STYX: variants seen among roughly 807,000 people sequenced by gnomAD.
The protein encoded by STYX is serine/threonine/tyrosine interacting protein.
Under a neutral mutation model 42.7 loss-of-function variants are expected in STYX, and 20 were observed. That is an observed-to-expected ratio of 0.47 (90% CI 0.33 to 0.68). STYX has a LOEUF of 0.68. STYX is among the 30% of genes least tolerant of loss of function. The pLI is 0.02. For synonymous variants in STYX, 78 were observed against 81.9 expected (o/e 0.95, Z 0.26); for missense variants, 226 against 268.5 (o/e 0.84, Z 1.11).
intron 1 of STYX, among the ~76,000 whole-genome samples, chr14:52,732,657 A>C (rs917998235): frequency 6.6e-6 from 1 of 151,832 alleles, no homozygotes; most frequent in African/African-American, 2.4e-5. Flanking sequence ...GTGAATGAAG[A>C]GTATGCTTTT....
At chr14:52,734,934 G>T (rs968222614) in intron 1 of STYX, among the ~76,000 whole-genome samples, 30 of 152,158 alleles carry the variant, frequency 2.0e-4, no homozygotes, top group Admixed American at 5.2e-4. Context: ...GCGGGCGCCT[G>T]TAGTCCCAGC....
At chr14:52,762,227 C>T (rs144237923) in intron 9 of STYX, among the ~76,000 whole-genome samples, 468 of 152,182 alleles carry the variant, frequency 3.1e-3, no homozygotes, top group African/African-American at 0.01. Flanking sequence ...GTGTTCCTCT[C>T]ACCGGTTTGT....
At chr14:52,739,123 C>A (rs7158756) in intron 1 of STYX, among the ~76,000 whole-genome samples, 1 of 151,186 alleles carries the variant, frequency 6.6e-6, no homozygotes, top group Non-Finnish European at 1.5e-5. Flanking sequence ...TTTAAAAATA[C>A]CACTTTTTTT....
chr14:52,730,734 C>T (rs758792619), intron 1 of STYX, among the ~76,000 whole-genome samples: 1 of 152,238 alleles, frequency 6.6e-6, no homozygotes, highest in East Asian at 1.9e-4. Context: ...GGGGCAGCGT[C>T]TGGTGTACTT....
chr14:52,772,531 G>C lies in STYX; in HGVS notation c.*1425G>C, dbSNP rs1223732863. ...TTTTATAGTTGATGACTTTAGGGTA[G>C]CACAAACAAAACTCCTTTGTATCTA... On this transcript the variant is annotated 3_prime_UTR_variant, in exon 11 of 11. Transcript: ENST00000354586. 6.6e-6 allele frequency: 1 copy of C among 152,556 alleles called. No individual in the cohort carries two copies. The highest frequency in any genetic ancestry group is 2.4e-5 in the African/African-American group (1 of 41,438). 9.5% of individuals were successfully genotyped at this position (152,556 alleles called of 1,614,324 possible). A position where few individuals can be genotyped will look rare whatever the true frequency, so the allele number is the denominator to read the frequency against.
chr14:52,751,389 T>C (rs899481011), intron 4 of STYX, among the ~76,000 whole-genome samples: 6 of 152,224 alleles, frequency 3.9e-5, no homozygotes, highest in African/African-American at 1.4e-4. Context: ...ATATAGTGAC[T>C]ATCATTGTAC....
In STYX at chr14:52,768,506, C is replaced by T. The variant is rs1431352035; in HGVS notation, c.505-334C>T. ...TTATTCTTCTATCTATAACTGGAAG[C>T]AGAGGACTATTGAGATTGCCAATTT... On this transcript the variant is annotated intron_variant, in intron 9 of 10. Transcript: ENST00000354586. Among the ~76,000 whole-genome samples the T allele has an allele frequency of 3.3e-5, 5 of 152,262 alleles. No individual in the cohort carries two copies. The South Asian group carries it at 6.2e-4, about 19-fold the overall frequency.
intron 4 of STYX, among the ~76,000 whole-genome samples, chr14:52,752,286 G>A (rs1265870817): frequency 6.6e-6 from 1 of 151,468 alleles, no homozygotes; most frequent in African/African-American, 2.4e-5. Context: ...CCAACACAGT[G>A]AGACCCCGTC....
Position 52,746,409 on chromosome 14 carries a change from AATT to A in STYX, c.91-16_91-14del. The A allele has an allele frequency of 6.5e-7, 1 of 1,549,326 alleles. No individual in the cohort carries two copies. Among genetic ancestry groups the A allele is most frequent in the Non-Finnish European group, 8.7e-7 (1 of 1,154,116 alleles). ...TAAATTGCTGATGGTAAATACCTCA[AATT>A]TTTTTTTTTCTAGGAAATTTTACCT... is the stretch of plus-strand genomic sequence containing the variant. On this transcript the variant is annotated splice_polypyrimidine_tract_variant and intron_variant, in intron 2 of 10. Coordinates refer to ENST00000354586, the MANE Select transcript of STYX (RefSeq NM_145251.4).
chr14:52,750,882 C>A, intron 4 of STYX, 102 bp downstream of exon 4: 1 of 626,926 alleles, frequency 1.6e-6, no homozygotes, highest in South Asian at 2.6e-5. Context: ...AAAAATGGGT[C>A]ATATAGTACA....
intron 3 of STYX, among the ~76,000 whole-genome samples, chr14:52,750,299 A>T (rs1388851627): frequency 6.6e-6 from 1 of 152,144 alleles, no homozygotes; most frequent in East Asian, 1.9e-4. Flanking sequence ...AGTATTTGGT[A>T]ATGTAACTGT....
At chr14:52,766,793 T>C (rs114425671) in intron 9 of STYX, among the ~76,000 whole-genome samples, 167 of 152,262 alleles carry the variant, frequency 1.1e-3, no homozygotes, top group African/African-American at 3.8e-3. Flanking sequence ...TTATGTTCCC[T>C]TTTTTCTTTG....
In STYX at chr14:52,750,545, T is replaced by C. The variant is rs1251000795; in HGVS notation, c.145-138T>C. Reference sequence around the variant, plus strand: ...TGCCCACTTCAGGTATATTATAAAATTAGCTTTAATTCCCTGGACTTAAGC... The same window carrying C: ...TGCCCACTTCAGGTATATTATAAAACTAGCTTTAATTCCCTGGACTTAAGC... On this transcript the variant is annotated intron_variant, in intron 3 of 10. Transcript: ENST00000354586. The C allele has an allele frequency of 5.3e-6, 3 of 566,948 alleles. No homozygotes were observed. In the African/African-American group the frequency reaches 6.0e-5, roughly 11 times the overall value. The allele number at this position is 566,948 out of a possible 1,614,324, so 35.1% of individuals were successfully genotyped here.
At position 52,730,535 on chromosome 14, in the gene STYX, A is replaced by C; in HGVS notation, c.57+4A>C. 6.2e-7 allele frequency: 1 copy of C among 1,612,974 alleles called. No homozygotes were observed. Among genetic ancestry groups the C allele is most frequent in the Non-Finnish European group, 8.5e-7 (1 of 1,179,662 alleles). Reference sequence around the variant, plus strand: ...ACAGTGCAAGGAAGACGCCGAGGTGAGTCGCTCCCGTGGCTGCCACGCACA... The same window carrying C: ...ACAGTGCAAGGAAGACGCCGAGGTGCGTCGCTCCCGTGGCTGCCACGCACA... On this transcript the variant is annotated splice_donor_region_variant and intron_variant, in intron 1 of 10. Coordinates refer to ENST00000354586, the MANE Select transcript of STYX (RefSeq NM_145251.4).
intron 1 of STYX, among the ~76,000 whole-genome samples, chr14:52,736,662 T>TAAA (rs1880966050): frequency 1.3e-5 from 2 of 152,142 alleles, no homozygotes; most frequent in African/African-American, 4.8e-5. Context: ...CTCCTTTATT[T>TAAA]AGAATGGTGC....
At chr14:52,750,390 G>A (rs550444852) in intron 3 of STYX, among the ~76,000 whole-genome samples, 12 of 152,240 alleles carry the variant, frequency 7.9e-5, no homozygotes, top group African/African-American at 1.9e-4. Context: ...CACTTGCTGT[G>A]TGTCCCAGGT....
At chr14:52,759,600 C>T in intron 8 of STYX, 82 bp from the exon 9 acceptor site, 1 of 901,208 alleles carries the variant, frequency 1.1e-6, no homozygotes, top group Non-Finnish European at 1.8e-6. Flanking sequence ...CAACTCATTA[C>T]CCCTCTCTAT....
Position 52,730,540 on chromosome 14 carries a change from C to G in STYX, c.57+9C>G, listed in dbSNP as rs1379243412. ...GCAAGGAAGACGCCGAGGTGAGTCG[C>G]TCCCGTGGCTGCCACGCACAGGCCT... On this transcript the variant is annotated intron_variant, in intron 1 of 10. Transcript: ENST00000354586. 6 of 1,612,538 alleles carry G rather than the reference C, an allele frequency of 3.7e-6. No individual in the cohort carries two copies. The highest frequency in any genetic ancestry group is 1.7e-5 in the Admixed American group (1 of 59,866).
chr14:52,740,026 C>T (rs1168599063), intron 1 of STYX, among the ~76,000 whole-genome samples: 1 of 152,096 alleles, frequency 6.6e-6, no homozygotes, highest in African/African-American at 2.4e-5. Context: ...TGCCTGTAAT[C>T]CCAGCACTTT....
Sources: allele counts gnomAD v4.1 joint callset (sites outside exome capture counted in the v4.1 genomes callset), GRCh38; gene constraint gnomAD v4.1.1; transcripts MANE v1.5; gene names NCBI Gene and HGNC (gene_info 2026-07-23, HGNC 2026-07-21).